The following PTPRK variants were observed in gnomAD, a reference collection of about 807,000 sequenced individuals.
The protein encoded by PTPRK is receptor-type tyrosine-protein phosphatase kappa.
A neutral mutation model predicts 178.0 loss-of-function variants in PTPRK; 75 were observed. The ratio of observed to expected loss-of-function variants is 0.42; its 90% confidence interval spans 0.35 to 0.51. The LOEUF is 0.51. Ranked by LOEUF, PTPRK falls within the 20% of genes least tolerant of loss-of-function variation. The pLI is 0.02. For missense variants in PTPRK, 1,441 were observed against 1,797.8 expected, an observed-to-expected ratio of 0.80 and a Z score of 3.59; for synonymous variants, 637 against 620.6, an observed-to-expected ratio of 1.03 and a Z score of -0.39.
chr6:128,068,531 A>T (rs949719318), intron 11 of PTPRK, among the ~76,000 whole-genome samples: 4 of 152,198 alleles, frequency 2.6e-5, no homozygotes, highest in African/African-American at 9.6e-5. Flanking sequence ...AAACTTTTCT[A>T]TAATTGCAAT....
At chr6:128,008,012 T>C (rs749398379) in intron 14 of PTPRK, 4 of 1,284,904 alleles carry the variant, frequency 3.1e-6, no homozygotes, top group African/African-American at 1.5e-5. Context: ...AGCACGTATG[T>C]AGCTAATTTA....
chr6:128,476,409 CA>C (rs1851377441), intron 1 of PTPRK, among the ~76,000 whole-genome samples: 1 of 151,480 alleles, frequency 6.6e-6, no homozygotes, highest in Non-Finnish European at 1.5e-5. Flanking sequence ...TTTAAGAAAA[CA>C]AACAAAACAA....
intron 21 of PTPRK, among the ~76,000 whole-genome samples, chr6:127,986,695 T>C (rs1313982589): frequency 6.6e-6 from 1 of 152,200 alleles, no homozygotes; most frequent in Non-Finnish European, 1.5e-5. Context: ...AAAATCCCAC[T>C]ATAATCTATA....
Position 128,348,873 on chromosome 6 carries a change from G to T in PTPRK, c.224-26563C>A, listed in dbSNP as rs575325971. 6.6e-4 allele frequency among the ~76,000 whole-genome samples: 100 copies of T among 152,102 alleles called. 1 individual carries two copies. In the South Asian group the frequency reaches 6.6e-3, roughly 10 times the overall value. On this transcript the variant is annotated intron_variant, in intron 2 of 29. Transcript: ENST00000368226. ...AATAATCACTAATTTGGCTACTGATGAATAAAAATATGTAGGCACCACAGC... is the reference window on the plus strand; with the variant it reads ...AATAATCACTAATTTGGCTACTGATTAATAAAAATATGTAGGCACCACAGC...
chr6:128,206,530 A>G (rs1807002680), intron 6 of PTPRK, among the ~76,000 whole-genome samples: 2 of 152,146 alleles, frequency 1.3e-5, no homozygotes, highest in Non-Finnish European at 2.9e-5. Flanking sequence ...TTAATTGTTA[A>G]AACTCGCTGT....
At chr6:128,400,415 T>C (rs1039889752) in intron 1 of PTPRK, among the ~76,000 whole-genome samples, 4 of 152,066 alleles carry the variant, frequency 2.6e-5, no homozygotes, top group African/African-American at 4.8e-5. Context: ...CCAGAATACA[T>C]AGGAAACTAG....
chr6:128,508,155 G>A (rs1856635743), intron 1 of PTPRK, among the ~76,000 whole-genome samples: 1 of 152,082 alleles, frequency 6.6e-6, no homozygotes, highest in Admixed American at 6.5e-5. Context: ...AAAGCCCCAA[G>A]CTTCACTTGT....
intron 14 of PTPRK, among the ~76,000 whole-genome samples, chr6:128,007,025 T>A (rs1005721275): frequency 5.3e-5 from 8 of 150,840 alleles, no homozygotes; most frequent in Non-Finnish European, 8.9e-5. Context: ...GAGGCTAAAG[T>A]AATTTCCTTT....
chr6:128,117,957 G>A (rs1226542848), intron 7 of PTPRK, among the ~76,000 whole-genome samples: 2 of 152,034 alleles, frequency 1.3e-5, no homozygotes, highest in Non-Finnish European at 2.9e-5. Flanking sequence ...ACCATGTTAT[G>A]TTAAAAATGC....
At chr6:128,303,335 T>C (rs1313980956) in intron 3 of PTPRK, among the ~76,000 whole-genome samples, 3 of 152,196 alleles carry the variant, frequency 2.0e-5, no homozygotes, top group Non-Finnish European at 4.4e-5. Context: ...ACTGGGAAGT[T>C]TTCCTATGAA....
At chr6:128,183,756 T>A (rs547479956) in intron 7 of PTPRK, among the ~76,000 whole-genome samples, 31 of 152,044 alleles carry the variant, frequency 2.0e-4, no homozygotes, top group African/African-American at 7.5e-4. Flanking sequence ...CATTATAACA[T>A]GGTAAAGAAC....
At chr6:128,365,711 A>G (rs1389801703) in intron 2 of PTPRK, among the ~76,000 whole-genome samples, 2 of 152,142 alleles carry the variant, frequency 1.3e-5, no homozygotes, top group East Asian at 3.8e-4. Flanking sequence ...CTTTTAGAAC[A>G]CAGAGAACAG....
At chr6:128,049,132 A>C (rs1196729221) in intron 13 of PTPRK, among the ~76,000 whole-genome samples, 1 of 152,154 alleles carries the variant, frequency 6.6e-6, no homozygotes, top group Non-Finnish European at 1.5e-5. Flanking sequence ...CTATATTAGA[A>C]ATTTTTCCAT....
At chr6:128,422,739 A>G (rs1360235924) in intron 1 of PTPRK, among the ~76,000 whole-genome samples, 1 of 151,806 alleles carries the variant, frequency 6.6e-6, no homozygotes, top group Non-Finnish European at 1.5e-5. Context: ...ATATTAAAAA[A>G]AAGAAGAAGA....
intron 7 of PTPRK, among the ~76,000 whole-genome samples, chr6:128,161,314 A>G (rs541125995): frequency 6.6e-5 from 10 of 151,620 alleles, no homozygotes; most frequent in Non-Finnish European, 1.5e-4. Flanking sequence ...TAGTAGCCCT[A>G]TGTGAATTGT....
intron 2 of PTPRK, among the ~76,000 whole-genome samples, chr6:128,346,266 T>A (rs919736273): frequency 1.1e-4 from 16 of 152,012 alleles, no homozygotes; most frequent in African/African-American, 3.9e-4. Flanking sequence ...TCATAGAATT[T>A]AAGTGACATG....
intron 2 of PTPRK, among the ~76,000 whole-genome samples, chr6:128,390,161 C>T (rs1839352203): frequency 6.6e-6 from 1 of 152,122 alleles, no homozygotes; most frequent in East Asian, 1.9e-4. Flanking sequence ...CAAACAAAGA[C>T]TTAAAATTAT....
At chr6:128,357,246 T>A (rs1834082212) in intron 2 of PTPRK, among the ~76,000 whole-genome samples, 1 of 152,176 alleles carries the variant, frequency 6.6e-6, no homozygotes, top group Admixed American at 6.5e-5. Flanking sequence ...TTATATTAAA[T>A]CAAGGTTTCA....
chr6:128,079,901 C>G (rs1395853362), intron 10 of PTPRK, among the ~76,000 whole-genome samples: 1 of 151,964 alleles, frequency 6.6e-6, no homozygotes, highest in Admixed American at 6.6e-5. Flanking sequence ...GGAGGGCTTT[C>G]TAACACACAG....
Sources: allele counts gnomAD v4.1 joint callset (sites outside exome capture counted in the v4.1 genomes callset), GRCh38; gene constraint gnomAD v4.1.1; transcripts MANE v1.5; gene names NCBI Gene and HGNC (gene_info 2026-07-23, HGNC 2026-07-21).